Variants in CRMP1 observed in about 807,000 individuals in gnomAD.
The protein encoded by CRMP1 is collapsin response mediator protein 1.
In CRMP1, 19 loss-of-function variants were observed where a neutral mutation model predicts 68.3. The ratio of observed to expected loss-of-function variants is 0.28; its 90% CI spans 0.19 to 0.41. CRMP1 has a LOEUF of 0.41. CRMP1 is among the 10% of genes least tolerant of loss of function. CRMP1 has a pLI of 1.00. For synonymous variants in CRMP1, 439 were observed against 399.6 expected (o/e 1.10, Z -1.18); for missense variants, 791 against 967.4 (o/e 0.82, Z 2.42).
rs757365201 is a variant in CRMP1 at position 5,871,866 on chromosome 4, G to A, written c.382-5110C>T. Among the ~76,000 whole-genome samples the A allele has an allele frequency of 9.8e-4, 149 of 152,322 alleles. 2 individuals carry two copies. Among genetic ancestry groups the A allele is most frequent in the Non-Finnish European group, 1.8e-3 (120 of 68,026 alleles). Reference sequence around the variant, plus strand: ...GGGATACTTTCCCACAGAAGAGACCGTAGGAAATGGGCTTTGAAGTTACGT... The same window carrying A: ...GGGATACTTTCCCACAGAAGAGACCATAGGAAATGGGCTTTGAAGTTACGT... On this transcript the variant is annotated intron_variant, in intron 1 of 13. Coordinates refer to ENST00000324989, the MANE Select transcript of CRMP1 (RefSeq NM_001014809.3).
rs1310698582 is a variant in CRMP1 at position 5,841,620 on chromosome 4, C to T, written c.1033-192G>A. 1.3e-5 allele frequency among the ~76,000 whole-genome samples: 2 copies of T among 152,208 alleles called. No homozygotes were observed. The highest frequency in any genetic ancestry group is 2.4e-5 in the African/African-American group (1 of 41,450). ...GGAGCATTGGTCTCACGCTGGGATA[C>T]GGCAGCAACATCCAAGCGCTATACA... On this transcript the variant is annotated intron_variant, in intron 7 of 13. Transcript: ENST00000324989. This position sits in a 1 kb window ranked among gnomAD's most constrained non-coding sequence, Gnocchi z 6.9.
At position 5,841,294 on chromosome 4, in the gene CRMP1, G is replaced by A; in HGVS notation, c.1153+14C>T. On this transcript the variant is annotated intron_variant, in intron 8 of 13. Transcript: ENST00000324989. The surrounding 1 kb of genome is among the most constrained non-coding windows in gnomAD (Gnocchi z 6.9). ...CCCCAGCTGCCCCCAGAAGGCCCAG[G>A]GCCGGCTGCATACCTTTCTTCCTGG... 1 of 1,613,848 alleles carries A rather than the reference G, an allele frequency of 6.2e-7. No individual in the cohort carries two copies. Among genetic ancestry groups the A allele is most frequent in the Non-Finnish European group, 8.5e-7 (1 of 1,179,964 alleles).
chr4:5,824,892 T>G, intron 13 of CRMP1: 3 of 985,396 alleles, frequency 3.0e-6, no homozygotes, highest in Non-Finnish European at 3.6e-6. Flanking sequence ...CCCTGAGACC[T>G]TAAGAAAGTC....
At chr4:5,876,928 C>G (rs1714882990) in intron 1 of CRMP1, among the ~76,000 whole-genome samples, 1 of 152,216 alleles carries the variant, frequency 6.6e-6, no homozygotes, top group Non-Finnish European at 1.5e-5. Context: ...CACAGACCCT[C>G]TGTGGCAAGT....
Position 5,888,306 on chromosome 4 carries a change from G to T in CRMP1, c.381+4283C>A. The T allele has an allele frequency of 8.0e-7, 1 of 1,252,682 alleles. No individual in the cohort carries two copies. The allele number at this position is 1,252,682 out of a possible 1,614,324, so 77.6% of individuals were successfully genotyped here. Reference sequence around the variant, plus strand: ...CCCTCGGCCCGGCCGCTGACCTGCGGGGCTGTCTGACTGGAACCGGCGCTC... The same window carrying T: ...CCCTCGGCCCGGCCGCTGACCTGCGTGGCTGTCTGACTGGAACCGGCGCTC... On this transcript the variant is annotated intron_variant, in intron 1 of 13. Transcript: ENST00000324989. The surrounding 1 kb of genome is among the most constrained non-coding windows in gnomAD (Gnocchi z 6.4).
Position 5,821,988 on chromosome 4 carries a change from A to T in CRMP1, c.1970-137T>A, listed in dbSNP as rs561708471. 47 of 610,388 alleles carry T rather than the reference A, an allele frequency of 7.7e-5. No homozygotes were observed. In the Admixed American group the frequency reaches 1.2e-3, roughly 16 times the overall value. The allele number at this position is 610,388 out of a possible 1,614,324, so 37.8% of individuals were successfully genotyped here. A position where few individuals can be genotyped will look rare whatever the true frequency, so the allele number is the denominator to read the frequency against. ...GGCTCAGTCCAGGACCAGCCATGGG[A>T]AGCCTCCCTGGCCTCCACAGAGTCC... On this transcript the variant is annotated intron_variant, in intron 13 of 13. Coordinates refer to ENST00000324989, the MANE Select transcript of CRMP1 (RefSeq NM_001014809.3). This position sits in a 1 kb window ranked among gnomAD's most constrained non-coding sequence, Gnocchi z 4.4.
intron 4 of CRMP1, 119 bp downstream of exon 4, chr4:5,856,024 G>A: frequency 1.7e-6 from 2 of 1,169,774 alleles, no homozygotes; most frequent in Non-Finnish European, 2.4e-6. Context: ...GTGGCAGAGT[G>A]CAGCTCATAA....
At chr4:5,887,690 G>A in intron 1 of CRMP1, 1 of 985,310 alleles carries the variant, frequency 1.0e-6, no homozygotes, top group Non-Finnish European at 1.2e-6. Flanking sequence ...GGTGGACCGA[G>A]CTTCCATCAT....
intron 2 of CRMP1, among the ~76,000 whole-genome samples, chr4:5,864,790 C>G (rs1713867787): frequency 6.6e-6 from 1 of 152,126 alleles, no homozygotes. Context: ...GTGTTCCAGG[C>G]AGGGGACTGA....
chr4:5,838,084 A>T lies in CRMP1; in HGVS notation c.1311-1178T>A, dbSNP rs558928285. Among the ~76,000 whole-genome samples the T allele has an allele frequency of 1.3e-5, 2 of 152,186 alleles. No homozygotes were observed. The highest frequency in any genetic ancestry group is 6.5e-5 in the Admixed American group (1 of 15,284). ...CTGGAGATGCCATTTCCAGGAGGAT[A>T]ATCAGAAAATTACGTCACTGAGGAG... On this transcript the variant is annotated intron_variant, in intron 9 of 13. Coordinates refer to ENST00000324989, the MANE Select transcript of CRMP1 (RefSeq NM_001014809.3). This position sits in a 1 kb window ranked among gnomAD's most constrained non-coding sequence, Gnocchi z 4.9.
chr4:5,837,365 C>G (rs1020224286), intron 9 of CRMP1, among the ~76,000 whole-genome samples: 1 of 151,548 alleles, frequency 6.6e-6, no homozygotes, highest in Admixed American at 6.6e-5. Context: ...TGTGGTGGCT[C>G]ACACCTGTAA....
At chr4:5,876,251 A>G (rs1714824084) in intron 1 of CRMP1, among the ~76,000 whole-genome samples, 3 of 152,164 alleles carry the variant, frequency 2.0e-5, no homozygotes, top group Admixed American at 6.5e-5. Context: ...GTTGGCAAGT[A>G]CATTTCAGTG....
rs1209847668 is a variant in CRMP1 at position 5,861,745 on chromosome 4, C to T, written c.471-535G>A. 2.0e-5 allele frequency among the ~76,000 whole-genome samples: 3 copies of T among 152,022 alleles called. No individual in the cohort carries two copies. The highest frequency in any genetic ancestry group is 4.4e-5 in the Non-Finnish European group (3 of 68,016). On this transcript the variant is annotated intron_variant, in intron 2 of 13. Coordinates refer to ENST00000324989, the MANE Select transcript of CRMP1 (RefSeq NM_001014809.3). This position sits in a 1 kb window ranked among gnomAD's most constrained non-coding sequence, Gnocchi z 6.0. ...ACCAGAGTCAGGAGGTCCCTCAAGGCGCTGGGGGAAGAGGCTCAGCCAGAA... is the reference window on the plus strand; with the variant it reads ...ACCAGAGTCAGGAGGTCCCTCAAGGTGCTGGGGGAAGAGGCTCAGCCAGAA...
chr4:5,849,725 G>C (rs1340513112), intron 5 of CRMP1, among the ~76,000 whole-genome samples: 1 of 152,124 alleles, frequency 6.6e-6, no homozygotes, highest in Non-Finnish European at 1.5e-5. Context: ...TCACCCCAGG[G>C]CATGAAGACA....
chr4:5,857,115 A>ATC (rs1713181324), intron 3 of CRMP1, among the ~76,000 whole-genome samples: 1 of 139,472 alleles, frequency 7.2e-6, no homozygotes, highest in Non-Finnish European at 1.6e-5. Context: ...CCACCACCAC[A>ATC]ATCATCACCA....
rs1718419700 is a variant in CRMP1 at position 5,820,891 on chromosome 4, T to G, written c.*869A>C. Reference sequence around the variant, plus strand: ...AATGGGAGTGATTACAAAGGAAAACTTTGTACAAAACTTTAAAAATCTGAC... The same window carrying G: ...AATGGGAGTGATTACAAAGGAAAACGTTGTACAAAACTTTAAAAATCTGAC... On this transcript the variant is annotated 3_prime_UTR_variant, in exon 14 of 14. Coordinates refer to ENST00000324989, the MANE Select transcript of CRMP1 (RefSeq NM_001014809.3). 6.6e-6 allele frequency: 1 copy of G among 151,740 alleles called. No individual in the cohort carries two copies. The highest frequency in any genetic ancestry group is 1.5e-5 in the Non-Finnish European group (1 of 67,874). 9.4% of individuals were successfully genotyped at this position (151,740 alleles called of 1,614,324 possible).
intron 11 of CRMP1, among the ~76,000 whole-genome samples, 179 bp from the exon 12 acceptor site, chr4:5,828,847 A>G (rs116810555): frequency 0.011 from 1,600 of 152,324 alleles, 24 homozygotes; most frequent in African/African-American, 0.036. Context: ...TATATAACCA[A>G]CAACTCACCG....
Position 5,859,094 on chromosome 4 carries a change from C to T in CRMP1, c.655+1932G>A, listed in dbSNP as rs976013186. Among the ~76,000 whole-genome samples, 6 of 152,168 alleles carry T rather than the reference C, an allele frequency of 3.9e-5. No individual in the cohort carries two copies. Among genetic ancestry groups the T allele is most frequent in the Admixed American group, 1.3e-4 (2 of 15,278 alleles). The stretch of plus-strand genomic sequence containing the variant: ...CACAGTTTCTAGTCATACATGTGGA[C>T]GATTAGTGACTCCCCAAGAGATGGC... On this transcript the variant is annotated intron_variant, in intron 3 of 13. Transcript: ENST00000324989. The surrounding 1 kb of genome is among the most constrained non-coding windows in gnomAD (Gnocchi z 5.2).
rs1560500723 is a variant in CRMP1 at position 5,849,478 on chromosome 4, G to C, written c.883-6C>G. 6.2e-7 allele frequency: 1 copy of C among 1,603,708 alleles called. No homozygotes were observed. Among genetic ancestry groups the C allele is most frequent in the Non-Finnish European group, 8.5e-7 (1 of 1,172,842 alleles). ...AAGGTAAAGGCTTCATAGAGCTATG[G>C]AGAGATAAACAGGGGTTGGTGTGAG... On this transcript the variant is annotated splice_polypyrimidine_tract_variant and splice_region_variant and intron_variant, in intron 5 of 13. Transcript: ENST00000324989.
Sources: gnomAD v4.1 joint callset for allele counts (sites outside exome capture counted in the v4.1 genomes callset) on GRCh38, gnomAD v4.1.1 for gene constraint, Gnocchi (gnomAD v3.1) non-coding constraint, MANE v1.5 for transcripts, NCBI Gene and HGNC (gene_info 2026-07-23, HGNC 2026-07-21) for gene names.